Variants in VCL observed in about 807,000 individuals in gnomAD.
VCL encodes vinculin.
A neutral mutation model predicts 125.7 loss-of-function variants in VCL; 47 were observed. The ratio of observed to expected loss-of-function variants is 0.37; its 90% CI spans 0.30 to 0.48. The LOEUF is 0.48. Among genes scored for constraint, VCL ranks in the 20% least tolerant of loss-of-function variants. The pLI is 0.99. For missense variants in VCL, 1,069 were observed against 1,455.5 expected (o/e 0.73, Z 4.32); for synonymous variants, 458 against 514.6 (o/e 0.89, Z 1.49).
intron 2 of VCL, among the ~76,000 whole-genome samples, chr10:74,057,451 T>C (rs1253595359): frequency 6.6e-6 from 1 of 152,076 alleles, no homozygotes; most frequent in African/African-American, 2.4e-5. Flanking sequence ...TTAGCAGTCA[T>C]TTTCACTTAG....
chr10:74,006,250 A>G (rs1490148194), intron 1 of VCL, among the ~76,000 whole-genome samples: 1 of 152,338 alleles, frequency 6.6e-6, no homozygotes, highest in African/African-American at 2.4e-5. Flanking sequence ...GTGGAACTCA[A>G]GGATATGCAG....
At chr10:74,102,194 G>C (rs779639528) in intron 14 of VCL, among the ~76,000 whole-genome samples, 1 of 149,866 alleles carries the variant, frequency 6.7e-6, no homozygotes, top group Admixed American at 6.6e-5. Context: ...ACTTTGTTTT[G>C]ATTTTGGAGT....
At chr10:74,108,423 A>G (rs1187761053) in intron 17 of VCL, among the ~76,000 whole-genome samples, 3 of 151,840 alleles carry the variant, frequency 2.0e-5, no homozygotes, top group African/African-American at 7.3e-5. Flanking sequence ...ATCTGGTAGC[A>G]CTGTGTATAC....
In VCL at chr10:74,097,403, A is replaced by T; in HGVS notation, c.1872+71A>T. On this transcript the variant is annotated intron_variant, in intron 13 of 21. Transcript: ENST00000211998. This position sits in a 1 kb window ranked among gnomAD's most constrained non-coding sequence, Gnocchi z 4.1. ...GTATATGTAAAGGTGAAATGTGATT[A>T]CAGTGGACATCAGGATCAGTGGTTG... 1 of 1,587,166 alleles carries T rather than the reference A, an allele frequency of 6.3e-7. No individual in the cohort carries two copies. The highest frequency in any genetic ancestry group is 8.6e-7 in the Non-Finnish European group (1 of 1,169,174).
intron 2 of VCL, among the ~76,000 whole-genome samples, chr10:74,043,855 C>T (rs2136249437): frequency 6.6e-6 from 1 of 152,096 alleles, no homozygotes; most frequent in Non-Finnish European, 1.5e-5. Context: ...TGCCTGTCAT[C>T]CCAGCACTTT....
At chr10:74,090,297 T>C in intron 10 of VCL, 99 bp downstream of exon 10, 1 of 1,370,096 alleles carries the variant, frequency 7.3e-7, no homozygotes, top group South Asian at 1.2e-5. Flanking sequence ...AGAACATACA[T>C]ATTTCAATTC....
intron 6 of VCL, chr10:74,077,622 C>T: frequency 4.8e-6 from 2 of 419,154 alleles, no homozygotes; most frequent in Non-Finnish European, 9.5e-6. Flanking sequence ...CATACAGTGT[C>T]TTTCACCTCT....
intron 1 of VCL, among the ~76,000 whole-genome samples, chr10:74,014,408 T>C (rs575464678): frequency 8.0e-4 from 122 of 152,192 alleles, no homozygotes; most frequent in African/African-American, 2.8e-3. Context: ...ATTTTTTTTG[T>C]ATTTTTAGCA....
chr10:74,024,408 C>T (rs1324756714), intron 1 of VCL, among the ~76,000 whole-genome samples: 4 of 152,088 alleles, frequency 2.6e-5, no homozygotes, highest in East Asian at 1.9e-4. Context: ...GTCGGGGGTT[C>T]GAGACCAGCC....
At chr10:74,045,264 C>CA (rs1841177395) in intron 2 of VCL, among the ~76,000 whole-genome samples, 13 of 123,600 alleles carry the variant, frequency 1.1e-4, no homozygotes, top group African/African-American at 3.9e-4. Flanking sequence ...GACAGAGAGA[C>CA]GGATAGATAG....
chr10:74,044,874 AT>A (rs1203046145), intron 2 of VCL, among the ~76,000 whole-genome samples: 3 of 152,108 alleles, frequency 2.0e-5, no homozygotes, highest in Non-Finnish European at 4.4e-5. Context: ...TATGAGTTTC[AT>A]TTCAATTGAA....
intron 8 of VCL, among the ~76,000 whole-genome samples, chr10:74,087,602 C>T (rs374291844): frequency 8.8e-5 from 13 of 148,408 alleles, no homozygotes; most frequent in East Asian, 2.0e-4. Flanking sequence ...CCTCGTGATC[C>T]GCCCACCTTG....
intron 2 of VCL, among the ~76,000 whole-genome samples, chr10:74,048,733 G>A (rs1841240652): frequency 6.6e-6 from 1 of 152,180 alleles, no homozygotes; most frequent in Non-Finnish European, 1.5e-5. Context: ...TCCTACCAGT[G>A]TGTAATGAAT....
At chr10:74,016,541 C>T (rs1040386415) in intron 1 of VCL, among the ~76,000 whole-genome samples, 1 of 151,882 alleles carries the variant, frequency 6.6e-6, no homozygotes, top group South Asian at 2.1e-4. Flanking sequence ...AGCTGGAGAT[C>T]GTGCCACTGC....
At chr10:74,064,164 T>C (rs1841526184) in intron 2 of VCL, among the ~76,000 whole-genome samples, 1 of 152,164 alleles carries the variant, frequency 6.6e-6, no homozygotes, top group South Asian at 2.1e-4. Context: ...AGAAATACTT[T>C]ACTCAAATAG....
Position 74,114,169 on chromosome 10 carries a change from T to G in VCL, c.2950-15T>G. ...GCGTGGGCAGAGCTCACACTGTATCTTTGCTTCCCTCTAGGGCAATGACAT... is the reference window on the plus strand; with the variant it reads ...GCGTGGGCAGAGCTCACACTGTATCGTTGCTTCCCTCTAGGGCAATGACAT... On this transcript the variant is annotated splice_polypyrimidine_tract_variant and intron_variant, in intron 19 of 21. Coordinates refer to ENST00000211998, the MANE Select transcript of VCL (RefSeq NM_014000.3). The G allele has an allele frequency of 6.2e-7, 1 of 1,612,638 alleles. No homozygotes were observed. Among genetic ancestry groups the G allele is most frequent in the Non-Finnish European group, 8.5e-7 (1 of 1,179,966 alleles).
chr10:74,001,064 C>A (rs1840215762), intron 1 of VCL, among the ~76,000 whole-genome samples: 2 of 152,126 alleles, frequency 1.3e-5, no homozygotes, highest in South Asian at 4.1e-4. Flanking sequence ...TAGTGCGTGA[C>A]ATATGGGCAG....
Position 74,049,598 on chromosome 10 carries a change from G to A in VCL, c.239+6445G>A, listed in dbSNP as rs1841262073. Among the ~76,000 whole-genome samples, 2 of 152,104 alleles carry A rather than the reference G, an allele frequency of 1.3e-5. 1 individual carries two copies. The highest frequency in any genetic ancestry group is 4.1e-4 in the South Asian group (2 of 4,826). On this transcript the variant is annotated intron_variant, in intron 2 of 21. Coordinates refer to ENST00000211998, the MANE Select transcript of VCL (RefSeq NM_014000.3). ...GAAAATACTCTAGGTGCAATGAATG[G>A]CATGACCAAGTCATGAGGGCCTGTG...
At chr10:74,114,474 G>T in intron 20 of VCL, 87 bp downstream of exon 20, 1 of 1,467,364 alleles carries the variant, frequency 6.8e-7, no homozygotes, top group Non-Finnish European at 9.3e-7. Flanking sequence ...GTATGAGAGG[G>T]AGAAAAGCAG....
Sources: allele counts gnomAD v4.1 joint callset (sites outside exome capture counted in the v4.1 genomes callset), GRCh38; gene constraint gnomAD v4.1.1; non-coding constraint Gnocchi (gnomAD v3.1); transcripts MANE v1.5; gene names NCBI Gene and HGNC (gene_info 2026-07-23, HGNC 2026-07-21).